Variants in LSAMP observed in about 807,000 individuals in gnomAD.
LSAMP encodes the protein limbic system-associated membrane protein.
A neutral mutation model predicts 38.6 loss-of-function variants in LSAMP; 7 were observed. That is an observed-to-expected ratio of 0.18 (90% CI 0.10 to 0.34). The LOEUF (loss-of-function observed/expected upper bound fraction) is 0.34. Among genes scored for constraint, LSAMP ranks in the 10% least tolerant of loss-of-function variants. The pLI is 1.00. For synonymous variants in LSAMP, 154 were observed against 166.8 expected, an observed-to-expected ratio of 0.92 and a Z score of 0.59; for missense variants, 313 against 420.0, an observed-to-expected ratio of 0.75 and a Z score of 2.23.
intron 6 of LSAMP, among the ~76,000 whole-genome samples, chr3:115,825,883 C>T (rs1186831017): frequency 2.6e-5 from 4 of 152,038 alleles, no homozygotes; most frequent in African/African-American, 9.7e-5. Flanking sequence ...ATAGAAATTC[C>T]TCACCTTTAA....
At chr3:116,234,925 T>A (rs1323170522) in intron 1 of LSAMP, among the ~76,000 whole-genome samples, 2 of 152,154 alleles carry the variant, frequency 1.3e-5, no homozygotes, top group Non-Finnish European at 2.9e-5. Context: ...AATTGATAGC[T>A]CATATAAAGA....
intron 1 of LSAMP, among the ~76,000 whole-genome samples, chr3:116,106,318 A>C (rs2107460900): frequency 6.6e-6 from 1 of 152,238 alleles, no homozygotes; most frequent in African/African-American, 2.4e-5. Context: ...AGTAGTTGAG[A>C]ATGGTGAATA....
chr3:116,067,886 G>A (rs552829968), intron 2 of LSAMP, among the ~76,000 whole-genome samples: 5 of 152,152 alleles, frequency 3.3e-5, no homozygotes, highest in African/African-American at 1.2e-4. Context: ...CATGCTTGAT[G>A]AGCAGTGTGC....
intron 1 of LSAMP, among the ~76,000 whole-genome samples, chr3:116,158,657 T>C (rs1709813572): frequency 6.6e-6 from 1 of 152,032 alleles, no homozygotes; most frequent in African/African-American, 2.4e-5. Flanking sequence ...GTGAAAGACC[T>C]CTACAACAAC....
At chr3:116,049,154 C>T (rs544665099) in intron 2 of LSAMP, among the ~76,000 whole-genome samples, 2 of 152,268 alleles carry the variant, frequency 1.3e-5, no homozygotes, top group Admixed American at 1.3e-4. Context: ...TCCATCTGTC[C>T]TAGCTTTAAT....
In LSAMP at chr3:116,438,060, C is replaced by CAAAAAAAAAAAAAAA. The variant is rs10637606; in HGVS notation, c.155+6802_155+6816dup. On this transcript the variant is annotated intron_variant, in intron 1 of 6. Transcript: ENST00000490035. ...ATTAAGTTTTAATTACAGGTAACTA[C>CAAAAAAAAAAAAAAA]AAAAAAAAAAAAAAAAAGTCTACTT... is the stretch of plus-strand genomic sequence containing the variant. Among the ~76,000 whole-genome samples the CAAAAAAAAAAAAAAA allele has an allele frequency of 1.6e-5, 2 of 126,320 alleles. 1 individual carries two copies. The highest frequency in any genetic ancestry group is 3.2e-5 in the Non-Finnish European group (2 of 61,552). The allele number at this position is 126,320 out of a possible 152,430, so 82.9% of individuals were successfully genotyped here.
At chr3:115,961,627 C>T (rs936798660) in intron 3 of LSAMP, among the ~76,000 whole-genome samples, 7 of 152,110 alleles carry the variant, frequency 4.6e-5, no homozygotes, top group Non-Finnish European at 8.8e-5. Context: ...AAAACAGTTC[C>T]CCAATCAATT....
intron 1 of LSAMP, among the ~76,000 whole-genome samples, chr3:116,240,151 T>C (rs77129980): frequency 0.021 from 3,248 of 152,272 alleles, 123 homozygotes; most frequent in African/African-American, 0.073. Context: ...GTCAGAAAGT[T>C]TTATGGATAT....
At chr3:115,913,699 G>A (rs964612858) in intron 3 of LSAMP, among the ~76,000 whole-genome samples, 6 of 152,142 alleles carry the variant, frequency 3.9e-5, no homozygotes, top group Admixed American at 3.3e-4. Flanking sequence ...CTTTGACATG[G>A]AAATGAAAGA....
intron 3 of LSAMP, among the ~76,000 whole-genome samples, chr3:115,950,736 A>T (rs1365545947): frequency 6.6e-6 from 1 of 151,284 alleles, no homozygotes. Flanking sequence ...AAAACTAGGA[A>T]AAACAATCCT....
At chr3:116,442,488 A>G (rs141778999) in intron 1 of LSAMP, among the ~76,000 whole-genome samples, 121 of 152,260 alleles carry the variant, frequency 7.9e-4, no homozygotes, top group African/African-American at 2.3e-3. Context: ...CTGGCCTTAT[A>G]AGCAGAAAGC....
intron 1 of LSAMP, among the ~76,000 whole-genome samples, chr3:116,200,334 G>C (rs2045971956): frequency 6.6e-6 from 1 of 152,216 alleles, no homozygotes; most frequent in East Asian, 1.9e-4. Flanking sequence ...TGCTTAGGTT[G>C]AGGATGGTAT....
intron 2 of LSAMP, among the ~76,000 whole-genome samples, chr3:116,027,243 T>C (rs968125744): frequency 6.6e-6 from 1 of 152,184 alleles, no homozygotes; most frequent in Admixed American, 6.5e-5. Context: ...AGAATAACTA[T>C]TATTTTATGC....
At chr3:116,279,065 G>A (rs550093130) in intron 1 of LSAMP, among the ~76,000 whole-genome samples, 1 of 152,024 alleles carries the variant, frequency 6.6e-6, no homozygotes, top group Admixed American at 6.6e-5. Flanking sequence ...GCTAGTACTT[G>A]CCATTTAAAT....
chr3:116,225,750 A>AT (rs1293892647), intron 1 of LSAMP, among the ~76,000 whole-genome samples: 1 of 135,624 alleles, frequency 7.4e-6, no homozygotes. Flanking sequence ...TTAGTATATT[A>AT]TTGTTTTTTT....
At chr3:116,347,452 T>G (rs1202997153) in intron 1 of LSAMP, among the ~76,000 whole-genome samples, 2 of 152,194 alleles carry the variant, frequency 1.3e-5, no homozygotes, top group East Asian at 3.9e-4. Flanking sequence ...AGAGAATTGA[T>G]AGTAACTGTG....
At chr3:116,392,025 G>A (rs1040865022) in intron 1 of LSAMP, among the ~76,000 whole-genome samples, 7 of 152,182 alleles carry the variant, frequency 4.6e-5, no homozygotes, top group African/African-American at 1.7e-4. Context: ...GTGATGGGGA[G>A]CCTTGGGCCA....
intron 1 of LSAMP, among the ~76,000 whole-genome samples, chr3:116,287,674 C>A: frequency 6.6e-6 from 1 of 152,126 alleles, no homozygotes; most frequent in East Asian, 1.9e-4. Flanking sequence ...TCTCTCCTTA[C>A]CTAATGGAAA....
intron 3 of LSAMP, among the ~76,000 whole-genome samples, chr3:115,874,009 T>G (rs898487234): frequency 6.6e-6 from 1 of 152,184 alleles, no homozygotes; most frequent in Non-Finnish European, 1.5e-5. Flanking sequence ...AGAAATATAT[T>G]ACACTCTGAG....
Sources: allele counts gnomAD v4.1 joint callset (sites outside exome capture counted in the v4.1 genomes callset), GRCh38; gene constraint gnomAD v4.1.1; transcripts MANE v1.5; gene names NCBI Gene and HGNC (gene_info 2026-07-23, HGNC 2026-07-21).